The following C19orf81 variants were observed in gnomAD, a reference collection of about 807,000 sequenced individuals.
The protein encoded by C19orf81 is chromosome 19 open reading frame 81.
C19orf81 carries 19 observed loss-of-function variants against 22.1 expected under a neutral mutation model. That is an observed-to-expected ratio of 0.86 (90% confidence interval 0.60 to 1.26). The LOEUF is 1.26. C19orf81 is among the 50% of genes most tolerant of loss of function. The pLI, the probability that C19orf81 is intolerant of heterozygous loss-of-function variation, is 0.00. For synonymous variants in C19orf81, 108 were observed against 113.1 expected (o/e 0.95, Z 0.29); for missense variants, 287 against 280.7 (o/e 1.02, Z -0.16).
At chr19:50,654,372 G>A (rs1438566638) in intron 1 of C19orf81, among the ~76,000 whole-genome samples, 3 of 151,854 alleles carry the variant, frequency 2.0e-5, no homozygotes, top group Non-Finnish European at 4.4e-5. Context: ...GCGCAATCTT[G>A]GCTCACTGCA....
At chr19:50,656,425 CCA>C in intron 3 of C19orf81, 79 bp downstream of exon 3, 1 of 1,452,994 alleles carries the variant, frequency 6.9e-7, no homozygotes, top group Non-Finnish European at 9.1e-7. Flanking sequence ...AGCAGTGTGG[CCA>C]GAGTTTAAAT....
At chr19:50,658,469 A>G in intron 4 of C19orf81, 1 of 296,804 alleles carries the variant, frequency 3.4e-6, no homozygotes, top group Non-Finnish European at 6.3e-6. Context: ...GCGCGGTTGG[A>G]GGTAAGGTCC....
intron 1 of C19orf81, among the ~76,000 whole-genome samples, chr19:50,653,887 T>G (rs531513882): frequency 3.3e-5 from 5 of 152,092 alleles, no homozygotes; most frequent in African/African-American, 1.2e-4. Flanking sequence ...CTGGGAATCT[T>G]CATCTCATTG....
chr19:50,650,166 C>T (rs777378567), intron 1 of C19orf81, among the ~76,000 whole-genome samples: 11 of 152,140 alleles, frequency 7.2e-5, no homozygotes, highest in Non-Finnish European at 1.3e-4. Context: ...ATAACACTTC[C>T]TAGCTTCCTG....
chr19:50,651,548 C>A (rs1489220755), intron 1 of C19orf81, among the ~76,000 whole-genome samples: 1 of 152,084 alleles, frequency 6.6e-6, no homozygotes, highest in African/African-American at 2.4e-5. Context: ...CTCCAAGGCA[C>A]ACAGGGGCCC....
intron 1 of C19orf81, among the ~76,000 whole-genome samples, chr19:50,652,660 A>G (rs984203414): frequency 6.6e-5 from 10 of 152,186 alleles, no homozygotes; most frequent in African/African-American, 2.4e-4. Context: ...GCACGGTCTG[A>G]TCACGTGTGG....
chr19:50,656,955 A>G (rs1269217974), intron 3 of C19orf81, among the ~76,000 whole-genome samples: 1 of 146,688 alleles, frequency 6.8e-6, no homozygotes, highest in Non-Finnish European at 1.5e-5. Context: ...CTGTCAAAAA[A>G]AAAAGGAAGG....
At chr19:50,658,500 G>C (rs1426993944) in intron 4 of C19orf81, 1 of 267,682 alleles carries the variant, frequency 3.7e-6, no homozygotes, top group Non-Finnish European at 7.1e-6. Flanking sequence ...GAGAGAAGGA[G>C]GGATCTCGAG....
rs1400581788 is a variant in C19orf81 at position 50,659,117 on chromosome 19, G to T, written c.572G>T (p.Gly191Val). 2.6e-5 allele frequency: 38 copies of T among 1,440,754 alleles called. No individual in the cohort carries two copies. Among genetic ancestry groups the T allele is most frequent in the Non-Finnish European group, 3.3e-5 (36 of 1,096,898 alleles). The allele number at this position is 1,440,754 out of a possible 1,614,324, so 89.2% of individuals were successfully genotyped here. The change falls in exon 5 of 5, where the codon GGG becomes GTG. Residue 191 changes from glycine (G) to valine (V), a missense_variant. Gly to Val is a moderately radical substitution (Grantham distance 109). Transcript: ENST00000425202. The part of the protein sequence containing the change: ...LVRRRMLEAL[G>V]AEPNEEA ...CGGCGGCGCATGCTCGAGGCCCTGGGGGCGGAGCCGAACGAGGAGGCCTGA... is the reference window on the plus strand; with the variant it reads ...CGGCGGCGCATGCTCGAGGCCCTGGTGGCGGAGCCGAACGAGGAGGCCTGA...
intron 4 of C19orf81, chr19:50,658,674 T>A: frequency 2.7e-6 from 1 of 369,622 alleles, no homozygotes; most frequent in East Asian, 4.1e-5. Context: ...GAGCGCAGCC[T>A]GCAGTCGCCA....
chr19:50,656,238 G>A lies in C19orf81; in HGVS notation c.153G>A (p.Leu51=). 6.5e-7 allele frequency: 1 copy of A among 1,536,122 alleles called. No homozygotes were observed. Among genetic ancestry groups the A allele is most frequent in the Non-Finnish European group, 8.7e-7 (1 of 1,146,880 alleles). The change falls in exon 3 of 5, where the codon CTG becomes CTA. Residue 51 remains leucine, a synonymous_variant. Coordinates refer to ENST00000425202, the MANE Select transcript of C19orf81 (RefSeq NM_001195076.2). ...GRPIKSSKQY[L]RQVIAEYEAL... ...GCTCTCTCCCTAGAAAGCAGTACCTGCGGCAGGTCATTGCAGAGTACGAGG... is the reference window on the plus strand; with the variant it reads ...GCTCTCTCCCTAGAAAGCAGTACCTACGGCAGGTCATTGCAGAGTACGAGG...
At chr19:50,651,845 T>C (rs1022465073) in intron 1 of C19orf81, among the ~76,000 whole-genome samples, 22 of 152,340 alleles carry the variant, frequency 1.4e-4, no homozygotes, top group Middle Eastern at 6.8e-3. Flanking sequence ...TTAAAATCAC[T>C]GTTGTAACTA....
At chr19:50,651,849 G>T (rs1362698402) in intron 1 of C19orf81, among the ~76,000 whole-genome samples, 2 of 151,920 alleles carry the variant, frequency 1.3e-5, no homozygotes, top group Non-Finnish European at 2.9e-5. Flanking sequence ...AATCACTGTT[G>T]TAACTAGAAA....
At position 50,649,560 on chromosome 19, in the gene C19orf81, C is replaced by A. The variant is rs1318054542; in HGVS notation, c.67+49C>A. The A allele has an allele frequency of 3.3e-6, 5 of 1,523,432 alleles. No homozygotes were observed. In the South Asian group the frequency reaches 6.0e-5, roughly 18 times the overall value. The allele number at this position is 1,523,432 out of a possible 1,614,324, so 94.4% of individuals were successfully genotyped here. A position where few individuals can be genotyped will look rare whatever the true frequency, so the allele number is the denominator to read the frequency against. ...AAGGGGTGGACTTCCTCCATCCAGG[C>A]AGTGCGTAGTAGCCCGGGCTCACAG... On this transcript the variant is annotated intron_variant, in intron 1 of 4. Transcript: ENST00000425202.
chr19:50,658,842 C>A, intron 4 of C19orf81, 105 bp from the exon 5 acceptor site: 1 of 1,035,160 alleles, frequency 9.7e-7, no homozygotes, highest in Non-Finnish European at 1.3e-6. Flanking sequence ...TCCGCTGGAC[C>A]AGGGCCTGTA....
At chr19:50,652,337 A>G (rs577155458) in intron 1 of C19orf81, among the ~76,000 whole-genome samples, 1 of 152,366 alleles carries the variant, frequency 6.6e-6, no homozygotes, top group East Asian at 1.9e-4. Flanking sequence ...GCTGGGGACG[A>G]AAACACAAGT....
Position 50,659,091 on chromosome 19 carries a change from C to A in C19orf81, c.546C>A (p.Val182=). ...GCCTGCACCTGCGCCGCTCCCTGGT[C>A]CGGCGGCGCATGCTCGAGGCCCTGG... The part of the protein sequence containing the change: ...DYRLHLRRSL[V]RRRMLEALGA... Residue 182 remains valine, a synonymous_variant, in exon 5 of 5, where the codon GTC becomes GTA. Coordinates refer to ENST00000425202, the MANE Select transcript of C19orf81 (RefSeq NM_001195076.2). 6.7e-7 allele frequency: 1 copy of A among 1,502,878 alleles called. No homozygotes were observed. Among genetic ancestry groups the A allele is most frequent in the Non-Finnish European group, 8.9e-7 (1 of 1,129,614 alleles). 93.1% of individuals were successfully genotyped at this position (1,502,878 alleles called of 1,614,324 possible). A position where few individuals can be genotyped will look rare whatever the true frequency, so the allele number is the denominator to read the frequency against.
intron 1 of C19orf81, among the ~76,000 whole-genome samples, chr19:50,655,639 ACT>A (rs929513624): frequency 6.7e-6 from 1 of 148,588 alleles, no homozygotes; most frequent in African/African-American, 2.5e-5. Context: ...ACAGAACAAG[ACT>A]CTGTCTCAAA....
intron 1 of C19orf81, 57 bp from the exon 2 acceptor site, chr19:50,655,993 G>T: frequency 6.7e-7 from 1 of 1,497,038 alleles, no homozygotes; most frequent in East Asian, 2.5e-5. Context: ...GGCCATTTAA[G>T]CAGAATCATG....
Sources: gnomAD v4.1 joint callset for allele counts (sites outside exome capture counted in the v4.1 genomes callset) on GRCh38, gnomAD v4.1.1 for gene constraint, MANE v1.5 for transcripts, NCBI Gene and HGNC (gene_info 2026-07-23, HGNC 2026-07-21) for gene names.